UNC13C: variants seen among roughly 807,000 people sequenced by gnomAD.
UNC13C encodes protein unc-13 homolog C.
UNC13C carries 174 observed loss-of-function variants against 245.4 expected under a neutral mutation model. That is an observed-to-expected ratio of 0.71 (90% CI 0.63 to 0.80). UNC13C has a LOEUF of 0.80. Ranked by LOEUF, UNC13C falls within the 30% of genes least tolerant of loss-of-function variation. The pLI, the probability that UNC13C is intolerant of heterozygous loss-of-function variation, is 0.00. For missense variants in UNC13C, 2,829 were observed against 2,602.9 expected, an observed-to-expected ratio of 1.09 and a Z score of -1.89; for synonymous variants, 992 against 895.1, an observed-to-expected ratio of 1.11 and a Z score of -1.93.
the UNC13C span, chr15:53,912,035 G>A: frequency 6.6e-6 from 1 of 152,220 alleles, no homozygotes; most frequent in African/African-American, 2.4e-5. Context: ...CCCTTCACAA[G>A]TAACCATCCA....
intron 4 of UNC13C, among the ~76,000 whole-genome samples, chr15:54,197,132 A>G (rs2034379171): frequency 6.6e-6 from 1 of 152,194 alleles, no homozygotes. Context: ...AGCAGATGAT[A>G]TGTTCTACAT....
the UNC13C span, among the ~76,000 whole-genome samples, chr15:53,954,305 A>C: frequency 1.3e-5 from 2 of 152,354 alleles, no homozygotes; most frequent in East Asian, 3.9e-4. Flanking sequence ...TTCCTGAGAG[A>C]AGAGACAATG....
At chr15:54,617,349 A>G (rs889409713) in intron 30 of UNC13C, among the ~76,000 whole-genome samples, 3 of 152,108 alleles carry the variant, frequency 2.0e-5, no homozygotes, top group Admixed American at 1.3e-4. Flanking sequence ...GATGTAAAAA[A>G]GAAAAAAGTG....
chr15:54,600,106 A>G (rs1433509502), intron 30 of UNC13C, among the ~76,000 whole-genome samples: 1 of 152,138 alleles, frequency 6.6e-6, no homozygotes, highest in Non-Finnish European at 1.5e-5. Flanking sequence ...AATGAACACC[A>G]TTCCTACTCT....
the UNC13C span, among the ~76,000 whole-genome samples, chr15:53,959,761 T>A: frequency 0.014 from 2,068 of 152,312 alleles, 64 homozygotes; most frequent in African/African-American, 0.047. Context: ...CTCAATATAA[T>A]ATAGATGATC....
At position 54,135,725 on chromosome 15, in the gene UNC13C, G is replaced by T. The variant is rs547495971; in HGVS notation, c.2984-7293G>T. On this transcript the variant is annotated intron_variant, in intron 2 of 32. Coordinates refer to ENST00000260323, the MANE Select transcript of UNC13C (RefSeq NM_001080534.3). ...TAACCTTGTAATATAGCTTGAAATC[G>T]GGACAAATCATGCCCCAGCTTCGTT... Among the ~76,000 whole-genome samples, 3 of 152,178 alleles carry T rather than the reference G, an allele frequency of 2.0e-5. No individual in the cohort carries two copies. In the South Asian group the frequency reaches 6.2e-4, roughly 32 times the overall value.
At chr15:54,029,913 G>A (rs1019482242) in intron 2 of UNC13C, among the ~76,000 whole-genome samples, 1 of 152,124 alleles carries the variant, frequency 6.6e-6, no homozygotes, top group Non-Finnish European at 1.5e-5. Context: ...AGTCTTCTCT[G>A]ATATTGAGGG....
At chr15:54,029,928 C>T (rs557947413) in intron 2 of UNC13C, among the ~76,000 whole-genome samples, 25 of 152,174 alleles carry the variant, frequency 1.6e-4, no homozygotes, top group Non-Finnish European at 3.2e-4. Flanking sequence ...TGAGGGATTC[C>T]ACTCAGCAAC....
chr15:53,989,960 T>C (rs1894311440), intron 1 of UNC13C, among the ~76,000 whole-genome samples: 1 of 151,964 alleles, frequency 6.6e-6, no homozygotes, highest in African/African-American at 2.4e-5. Flanking sequence ...TCCATATTTA[T>C]GTTTCTTCCT....
chr15:53,847,433 T>G, the UNC13C span, among the ~76,000 whole-genome samples: 1 of 151,884 alleles, frequency 6.6e-6, no homozygotes, highest in Non-Finnish European at 1.5e-5. Flanking sequence ...CTCCCCTCAC[T>G]GCAACCTCTG....
intron 2 of UNC13C, among the ~76,000 whole-genome samples, chr15:54,023,282 C>T (rs1895975600): frequency 6.6e-6 from 1 of 152,126 alleles, no homozygotes; most frequent in South Asian, 2.1e-4. Flanking sequence ...AATCCAAAGT[C>T]GATGCTCTTT....
In UNC13C at chr15:54,494,741, A is replaced by G. The variant is rs58192147; in HGVS notation, c.5060+7A>G. 1.5e-3 allele frequency: 2,403 copies of G among 1,607,914 alleles called. 34 individuals are homozygous for G. The African/African-American group carries it at 0.028, about 19-fold the overall frequency. ...CTGTTCCTGAATACTCCTTGTAAGT[A>G]GTGATTTTAACACACACACCCTCAG... On this transcript the variant is annotated splice_region_variant and intron_variant, in intron 20 of 32. Coordinates refer to ENST00000260323, the MANE Select transcript of UNC13C (RefSeq NM_001080534.3).
chr15:54,077,481 G>C (rs7172702), intron 2 of UNC13C, among the ~76,000 whole-genome samples: 129,609 of 147,948 alleles, frequency 0.88, 57,652 homozygotes, highest in Non-Finnish European at 0.96. Flanking sequence ...CAGGTTCAAG[G>C]GATTCTCCTG....
intron 30 of UNC13C, among the ~76,000 whole-genome samples, chr15:54,613,028 T>G (rs1490856005): frequency 6.6e-6 from 1 of 151,880 alleles, no homozygotes; most frequent in Admixed American, 6.6e-5. Context: ...TAGGAGATTA[T>G]TATTTGTCTC....
chr15:54,021,614 A>G (rs1237820734), intron 2 of UNC13C, among the ~76,000 whole-genome samples: 4 of 152,188 alleles, frequency 2.6e-5, no homozygotes, highest in African/African-American at 4.8e-5. Context: ...TTGCTTTCAT[A>G]TCTTGGCTAT....
At chr15:54,235,496 G>T (rs1164045809) in intron 5 of UNC13C, among the ~76,000 whole-genome samples, 1 of 108,988 alleles carries the variant, frequency 9.2e-6, no homozygotes, top group Non-Finnish European at 1.8e-5. Context: ...CAGTGGACCT[G>T]AATACTTTAT....
chr15:54,096,571 C>T (rs1899876043), intron 2 of UNC13C, among the ~76,000 whole-genome samples: 1 of 152,104 alleles, frequency 6.6e-6, no homozygotes, highest in South Asian at 2.1e-4. Context: ...TGTCTCCTCC[C>T]CAGCTGCCAG....
the UNC13C span, among the ~76,000 whole-genome samples, chr15:53,863,502 A>G: frequency 6.6e-6 from 1 of 152,226 alleles, no homozygotes; most frequent in Non-Finnish European, 1.5e-5. Context: ...ATATTGTTAT[A>G]CAGGCACAAC....
chr15:54,139,419 G>A (rs1245835592), intron 2 of UNC13C, among the ~76,000 whole-genome samples: 1 of 152,132 alleles, frequency 6.6e-6, no homozygotes, highest in African/African-American at 2.4e-5. Flanking sequence ...TAAATTGGCA[G>A]AGGTAGGACA....
Sources: allele counts gnomAD v4.1 joint callset (sites outside exome capture counted in the v4.1 genomes callset), GRCh38; gene constraint gnomAD v4.1.1; transcripts MANE v1.5; gene names NCBI Gene and HGNC (gene_info 2026-07-23, HGNC 2026-07-21).